Variants in KCNH1 observed in about 807,000 individuals in gnomAD.
KCNH1 encodes voltage-gated delayed rectifier potassium channel KCNH1.
KCNH1 carries 27 observed loss-of-function variants against 69.2 expected under a neutral mutation model. The observed-to-expected ratio is 0.39, with a 90% CI of 0.29 to 0.54. KCNH1 has a LOEUF of 0.54. Ranked by LOEUF, KCNH1 falls within the 20% of genes least tolerant of loss-of-function variation. KCNH1 has a pLI of 0.68. For synonymous variants in KCNH1, 456 were observed against 487.7 expected, an observed-to-expected ratio of 0.93 and a Z score of 0.86; for missense variants, 798 against 1,261.6, an observed-to-expected ratio of 0.63 and a Z score of 5.57.
intron 6 of KCNH1, among the ~76,000 whole-genome samples, chr1:210,976,105 G>A (rs910276644): frequency 2.6e-5 from 4 of 152,120 alleles, no homozygotes; most frequent in African/African-American, 9.7e-5. Flanking sequence ...GAAACAACAG[G>A]TGCTGGAGAG....
intron 8 of KCNH1, among the ~76,000 whole-genome samples, chr1:210,801,461 G>A (rs1011715056): frequency 2.6e-5 from 4 of 152,198 alleles, no homozygotes; most frequent in Non-Finnish European, 4.4e-5. Context: ...CCACAGTTGG[G>A]TCCATGGCTA....
At chr1:210,870,449 C>A (rs1310490802) in intron 7 of KCNH1, among the ~76,000 whole-genome samples, 3 of 152,162 alleles carry the variant, frequency 2.0e-5, no homozygotes, top group Non-Finnish European at 4.4e-5. Context: ...GGTACTCTCC[C>A]AGCTGAGATT....
intron 6 of KCNH1, among the ~76,000 whole-genome samples, chr1:211,005,191 TA>T (rs1689257187): frequency 6.6e-6 from 1 of 152,080 alleles, no homozygotes; most frequent in Admixed American, 6.5e-5. Context: ...ACAATAGAAA[TA>T]TTTCTAGAAA....
chr1:210,940,513 A>G (rs1687858278), intron 6 of KCNH1, among the ~76,000 whole-genome samples: 1 of 152,246 alleles, frequency 6.6e-6, no homozygotes, highest in Non-Finnish European at 1.5e-5. Flanking sequence ...GCAACCTTCC[A>G]TTTGTTTAAT....
At chr1:210,728,949 T>A (rs915568025) in intron 10 of KCNH1, among the ~76,000 whole-genome samples, 2 of 152,200 alleles carry the variant, frequency 1.3e-5, no homozygotes. Context: ...CATTCAGATG[T>A]CTTTGCTGCC....
intron 10 of KCNH1, among the ~76,000 whole-genome samples, chr1:210,722,149 G>A (rs184319201): frequency 4.5e-4 from 68 of 152,242 alleles, no homozygotes; most frequent in Non-Finnish European, 7.9e-4. Context: ...CTGCTCTAAC[G>A]TTAAAAGATT....
At chr1:211,091,781 T>C (rs1011289990) in intron 3 of KCNH1, among the ~76,000 whole-genome samples, 1 of 152,192 alleles carries the variant, frequency 6.6e-6, no homozygotes, top group African/African-American at 2.4e-5. Flanking sequence ...TCAGAGAGGA[T>C]ACCCACTCAG....
chr1:211,069,019 G>A (rs569416978), intron 5 of KCNH1, among the ~76,000 whole-genome samples: 4 of 152,278 alleles, frequency 2.6e-5, no homozygotes, highest in East Asian at 3.9e-4. Context: ...TTGTGCTTCT[G>A]GCAGCAGGAG....
chr1:210,794,975 TAC>T (rs963237147), intron 9 of KCNH1, among the ~76,000 whole-genome samples: 2 of 152,210 alleles, frequency 1.3e-5, no homozygotes, highest in African/African-American at 2.4e-5. Context: ...GTCCTATTTA[TAC>T]ACAGTTGAAT....
rs539266703 is a variant in KCNH1 at position 210,742,684 on chromosome 1, C to G, written c.2112+32664G>C. ...AGTGCCGCACCTTCCCAGCTCTTAT[C>G]TCTAGACAAGGGCTCAGGGGCTCAA... On this transcript the variant is annotated intron_variant, in intron 10 of 10. Transcript: ENST00000271751. Among the ~76,000 whole-genome samples, 58 of 152,290 alleles carry G rather than the reference C, an allele frequency of 3.8e-4. 1 individual carries two copies. Among genetic ancestry groups the G allele is most frequent in the Non-Finnish European group, 7.5e-4 (51 of 68,028 alleles).
intron 7 of KCNH1, among the ~76,000 whole-genome samples, chr1:210,890,406 AAGACTTAAATG>A (rs1217173259): frequency 3.9e-5 from 6 of 152,252 alleles, no homozygotes; most frequent in Admixed American, 3.9e-4. Context: ...AGAAGGATTA[AAGACTTAAATG>A]TAAGACCTAA....
intron 7 of KCNH1, among the ~76,000 whole-genome samples, chr1:210,896,824 A>G (rs1431339270): frequency 6.6e-6 from 1 of 152,206 alleles, no homozygotes; most frequent in Non-Finnish European, 1.5e-5. Flanking sequence ...AAAAAAAAAC[A>G]GACTTTTCCT....
chr1:211,015,869 G>A (rs1460913807), intron 6 of KCNH1, among the ~76,000 whole-genome samples: 1 of 152,126 alleles, frequency 6.6e-6, no homozygotes, highest in Non-Finnish European at 1.5e-5. Flanking sequence ...TGTTATGAAA[G>A]GGCATTATTT....
At position 211,102,348 on chromosome 1, in the gene KCNH1, G is replaced by C. The variant is rs78308588; in HGVS notation, c.310+1148C>G. ...TGGTATGCTTCTGGTACGAGCTGTT[G>C]CTTTGAGTTGAGTTGTGTTCCCCTA... On this transcript the variant is annotated intron_variant, in intron 3 of 10. Transcript: ENST00000271751. 1.9e-3 allele frequency among the ~76,000 whole-genome samples: 291 copies of C among 152,250 alleles called. 1 individual carries two copies. The highest frequency in any genetic ancestry group is 6.9e-3 in the African/African-American group (285 of 41,552).
intron 5 of KCNH1, among the ~76,000 whole-genome samples, chr1:211,073,591 G>A (rs1224899496): frequency 2.0e-5 from 3 of 152,096 alleles, no homozygotes; most frequent in Non-Finnish European, 4.4e-5. Context: ...AATACTTGGA[G>A]ACTAAACAAC....
intron 4 of KCNH1, among the ~76,000 whole-genome samples, chr1:211,086,429 T>C (rs966785459): frequency 6.6e-6 from 1 of 152,044 alleles, no homozygotes; most frequent in Non-Finnish European, 1.5e-5. Context: ...CTATCACAAA[T>C]GTCACCAGCA....
intron 7 of KCNH1, among the ~76,000 whole-genome samples, chr1:210,887,242 A>C (rs992997701): frequency 6.6e-6 from 1 of 152,194 alleles, no homozygotes; most frequent in Admixed American, 6.5e-5. Flanking sequence ...TACAATATTC[A>C]ACACTCTTAA....
chr1:211,030,644 TAA>T (rs1446834496), intron 5 of KCNH1, among the ~76,000 whole-genome samples: 1 of 151,626 alleles, frequency 6.6e-6, no homozygotes, highest in Non-Finnish European at 1.5e-5. Flanking sequence ...AACATAAAAC[TAA>T]AAAAGTTTTT....
intron 7 of KCNH1, among the ~76,000 whole-genome samples, chr1:210,831,318 A>C (rs1209795687): frequency 2.6e-5 from 4 of 152,220 alleles, no homozygotes; most frequent in Non-Finnish European, 4.4e-5. Context: ...TTATATTCAG[A>C]AAATATATTC....
Sources: allele counts gnomAD v4.1 joint callset (sites outside exome capture counted in the v4.1 genomes callset), GRCh38; gene constraint gnomAD v4.1.1; transcripts MANE v1.5; gene names NCBI Gene and HGNC (gene_info 2026-07-23, HGNC 2026-07-21).